PDZD8: variants seen among roughly 807,000 people sequenced by gnomAD.
The protein encoded by PDZD8 is PDZ domain-containing protein 8.
A neutral mutation model predicts 85.8 loss-of-function variants in PDZD8; 14 were observed. That is an observed-to-expected ratio of 0.16 (90% CI 0.11 to 0.26). The LOEUF is 0.26. PDZD8 is among the 10% of genes least tolerant of loss of function. PDZD8 has a pLI of 1.00. For missense variants in PDZD8, 1,197 were observed against 1,424.3 expected (o/e 0.84, Z 2.57); for synonymous variants, 592 against 568.6 (o/e 1.04, Z -0.59).
intron 3 of PDZD8, among the ~76,000 whole-genome samples, chr10:117,300,041 C>G (rs529272802): frequency 1.0e-4 from 15 of 146,620 alleles, no homozygotes; most frequent in Non-Finnish European, 2.3e-4. Context: ...AACCTATATG[C>G]TAGCACAGGT....
intron 2 of PDZD8, among the ~76,000 whole-genome samples, chr10:117,324,789 T>G (rs1844287029): frequency 6.6e-6 from 1 of 152,202 alleles, no homozygotes; most frequent in African/African-American, 2.4e-5. Flanking sequence ...TGCTGATTCT[T>G]CAGTGTTTTG....
chr10:117,367,241 T>C (rs1026038111), intron 1 of PDZD8, among the ~76,000 whole-genome samples: 16 of 151,988 alleles, frequency 1.1e-4, no homozygotes, highest in African/African-American at 3.9e-4. Flanking sequence ...TGAAACCCTG[T>C]CTGTACTAAA....
intron 1 of PDZD8, among the ~76,000 whole-genome samples, chr10:117,368,651 C>G (rs2133891184): frequency 6.6e-6 from 1 of 152,200 alleles, no homozygotes. Flanking sequence ...TGATGCCCCC[C>G]TTTTTGGAGA....
chr10:117,279,836 A>C lies in PDZD8; in HGVS notation c.*3432T>G, dbSNP rs1050370959. The C allele has an allele frequency of 6.6e-6, 1 of 152,188 alleles. No homozygotes were observed. Among genetic ancestry groups the C allele is most frequent in the African/African-American group, 2.4e-5 (1 of 41,458 alleles). The allele number at this position is 152,188 out of a possible 1,614,324, so 9.4% of individuals were successfully genotyped here. ...GTATCTTCCTGCGGTGAAAGTCCAC[A>C]TCTTTAATCAGATCCTAAAAGCGGA... On this transcript the variant is annotated 3_prime_UTR_variant, in exon 5 of 5. Transcript: ENST00000334464.
At chr10:117,344,028 A>C (rs907294557) in intron 1 of PDZD8, among the ~76,000 whole-genome samples, 1 of 152,000 alleles carries the variant, frequency 6.6e-6, no homozygotes, top group African/African-American at 2.4e-5. Flanking sequence ...TTTATTTCCT[A>C]ATTAACCTAT....
At chr10:117,359,321 T>C (rs192380213) in intron 1 of PDZD8, among the ~76,000 whole-genome samples, 1 of 151,480 alleles carries the variant, frequency 6.6e-6, no homozygotes, top group East Asian at 1.9e-4. Flanking sequence ...GAGGCTGGGA[T>C]GGTAGGATCA....
intron 1 of PDZD8, among the ~76,000 whole-genome samples, chr10:117,358,892 A>G (rs7909861): frequency 0.21 from 31,730 of 152,028 alleles, 3,898 homozygotes; most frequent in Middle Eastern, 0.34. Context: ...CTATTTATCT[A>G]TATTAAGGAT....
chr10:117,349,928 C>A (rs1174947188), intron 1 of PDZD8, among the ~76,000 whole-genome samples: 1 of 152,026 alleles, frequency 6.6e-6, no homozygotes, highest in Non-Finnish European at 1.5e-5. Flanking sequence ...TTAGTGAAAT[C>A]TTTTATCTTC....
intron 4 of PDZD8, 109 bp from the exon 5 acceptor site, chr10:117,285,580 T>C: frequency 8.6e-7 from 1 of 1,157,896 alleles, no homozygotes; most frequent in Non-Finnish European, 1.1e-6. Context: ...CCTCTGGTTA[T>C]TTAACTAATA....
chr10:117,298,591 A>G (rs2133776608), intron 3 of PDZD8, among the ~76,000 whole-genome samples: 1 of 152,236 alleles, frequency 6.6e-6, no homozygotes, highest in Middle Eastern at 3.4e-3. Flanking sequence ...CTTATTTATC[A>G]ACTACAGACA....
chr10:117,295,506 C>CA (rs1843740627), intron 3 of PDZD8, among the ~76,000 whole-genome samples: 1 of 145,496 alleles, frequency 6.9e-6, no homozygotes, highest in African/African-American at 2.5e-5. Context: ...TCCCAACACA[C>CA]AAAAAACTCC....
At position 117,367,087 on chromosome 10, in the gene PDZD8, T is replaced by A. The variant is rs560926416; in HGVS notation, c.872+7269A>T. 6.6e-5 allele frequency among the ~76,000 whole-genome samples: 10 copies of A among 152,332 alleles called. No individual in the cohort carries two copies. In the East Asian group the frequency reaches 1.5e-3, roughly 23 times the overall value. ...AGGAAGAAACTGTGGCTTTTTGGGA[T>A]AGCCAATATACTTGTACATTACTGA... On this transcript the variant is annotated intron_variant, in intron 1 of 4. Coordinates refer to ENST00000334464, the MANE Select transcript of PDZD8 (RefSeq NM_173791.5).
chr10:117,371,439 C>G (rs1447422158), intron 1 of PDZD8, among the ~76,000 whole-genome samples: 12 of 152,208 alleles, frequency 7.9e-5, no homozygotes, highest in Non-Finnish European at 1.8e-4. Context: ...CCTGTCTCAG[C>G]CTTACAAAGT....
intron 2 of PDZD8, among the ~76,000 whole-genome samples, chr10:117,323,138 G>A (rs986924409): frequency 6.6e-6 from 1 of 152,122 alleles, no homozygotes; most frequent in African/African-American, 2.4e-5. Context: ...CGTTCCAGAA[G>A]AACAAGATCG....
chr10:117,317,205 T>C (rs764587436), intron 3 of PDZD8, among the ~76,000 whole-genome samples: 4 of 152,196 alleles, frequency 2.6e-5, no homozygotes, highest in Non-Finnish European at 4.4e-5. Flanking sequence ...TAAATACTGT[T>C]TAAATCTAGA....
intron 3 of PDZD8, among the ~76,000 whole-genome samples, chr10:117,305,807 G>A (rs1297717197): frequency 6.6e-6 from 1 of 151,988 alleles, no homozygotes; most frequent in Non-Finnish European, 1.5e-5. Flanking sequence ...TAAGAACTAG[G>A]GCAGATTTAA....
intron 3 of PDZD8, among the ~76,000 whole-genome samples, chr10:117,306,733 G>A (rs1843950573): frequency 6.6e-6 from 1 of 151,488 alleles, no homozygotes; most frequent in Admixed American, 6.6e-5. Context: ...CTTACAGAAA[G>A]GCTCCAAAAC....
In PDZD8 at chr10:117,357,131, G is replaced by A. The variant is rs111877462; in HGVS notation, c.873-16029C>T. 3.8e-3 allele frequency among the ~76,000 whole-genome samples: 585 copies of A among 152,286 alleles called. 4 individuals are homozygous for A. Among genetic ancestry groups the A allele is most frequent in the African/African-American group, 0.013 (553 of 41,552 alleles). ...ATCAGGTCTGGGCACGGTGGCTTAC[G>A]CCTGTAATCCCAGCACTTTGGAAGG... On this transcript the variant is annotated intron_variant, in intron 1 of 4. Transcript: ENST00000334464.
intron 3 of PDZD8, among the ~76,000 whole-genome samples, chr10:117,307,679 A>G (rs1843966796): frequency 6.6e-6 from 1 of 152,098 alleles, no homozygotes; most frequent in South Asian, 2.1e-4. Flanking sequence ...ATCAATGTAA[A>G]CCAACATGCT....
Sources: allele counts gnomAD v4.1 joint callset (sites outside exome capture counted in the v4.1 genomes callset), GRCh38; gene constraint gnomAD v4.1.1; transcripts MANE v1.5; gene names NCBI Gene and HGNC (gene_info 2026-07-23, HGNC 2026-07-21).